CDKN3: variants seen among roughly 807,000 people sequenced by gnomAD.
CDKN3 encodes the protein cyclin-dependent kinase inhibitor 3.
In CDKN3, 19 loss-of-function variants were observed where a neutral mutation model predicts 36.1. The observed-to-expected ratio is 0.53, with a 90% CI of 0.37 to 0.77. CDKN3 has a LOEUF of 0.77. Among genes scored for constraint, CDKN3 ranks in the 30% least tolerant of loss-of-function variants. CDKN3 has a pLI of 0.00. For synonymous variants in CDKN3, 71 were observed against 85.3 expected (o/e 0.83, Z 0.92); for missense variants, 188 against 248.6 (o/e 0.76, Z 1.64).
chr14:54,413,643 C>T (rs1290054545), intron 5 of CDKN3: 3 of 1,535,258 alleles, frequency 2.0e-6, no homozygotes, highest in Non-Finnish European at 2.6e-6. Context: ...AGTTTATTTT[C>T]TATCCATTCT....
intron 3 of CDKN3, among the ~76,000 whole-genome samples, chr14:54,405,138 A>C (rs544817395): frequency 6.6e-6 from 1 of 152,206 alleles, no homozygotes; most frequent in South Asian, 2.1e-4. Context: ...GTTTCCATGT[A>C]GTTGTGCAGT....
intron 5 of CDKN3, chr14:54,413,698 C>A: frequency 6.5e-7 from 1 of 1,534,390 alleles, no homozygotes; most frequent in Non-Finnish European, 8.7e-7. Flanking sequence ...TAGAGCTTAT[C>A]CTTCAGCAAC....
intron 3 of CDKN3, among the ~76,000 whole-genome samples, chr14:54,405,674 T>C (rs1260499439): frequency 1.3e-5 from 2 of 152,232 alleles, no homozygotes; most frequent in Non-Finnish European, 2.9e-5. Flanking sequence ...TTGCTTTTTT[T>C]TGCATTCCAT....
At chr14:54,411,337 C>A in intron 4 of CDKN3, 147 bp from the exon 5 acceptor site, 1 of 620,384 alleles carries the variant, frequency 1.6e-6, no homozygotes, top group Non-Finnish European at 2.8e-6. Context: ...TTGATTCAGA[C>A]ATATCAATAG....
intron 1 of CDKN3, among the ~76,000 whole-genome samples, chr14:54,397,372 C>T (rs1428748453): frequency 6.6e-6 from 1 of 152,260 alleles, no homozygotes. Context: ...CAAAGAGGGC[C>T]GAGCCTCGTT....
chr14:54,399,745 T>C, intron 1 of CDKN3, 149 bp from the exon 2 acceptor site: 1 of 631,730 alleles, frequency 1.6e-6, no homozygotes, highest in Non-Finnish European at 2.9e-6. Context: ...CAGTCATTTA[T>C]TATTAATATT....
At chr14:54,398,079 G>A (rs1884013) in intron 1 of CDKN3, among the ~76,000 whole-genome samples, 1 of 152,038 alleles carries the variant, frequency 6.6e-6, no homozygotes, top group Non-Finnish European at 1.5e-5. Flanking sequence ...TGCAGTGAGC[G>A]GATATCACGC....
intron 1 of CDKN3, among the ~76,000 whole-genome samples, chr14:54,399,353 T>C (rs1886409424): frequency 1.3e-5 from 2 of 152,146 alleles, no homozygotes; most frequent in African/African-American, 2.4e-5. Flanking sequence ...TGTGAAGCCT[T>C]CTCCAGCTAC....
At chr14:54,399,311 C>G (rs751310408) in intron 1 of CDKN3, among the ~76,000 whole-genome samples, 29 of 152,148 alleles carry the variant, frequency 1.9e-4, no homozygotes, top group South Asian at 4.1e-4. Flanking sequence ...AAAACCTGCT[C>G]TTCCTTCAAA....
At chr14:54,404,447 CTTT>C (rs1194247599) in intron 3 of CDKN3, among the ~76,000 whole-genome samples, 2 of 151,610 alleles carry the variant, frequency 1.3e-5, no homozygotes, top group Non-Finnish European at 2.9e-5. Flanking sequence ...CTCTTTTCTT[CTTT>C]ATTAGTCTGG....
At position 54,407,323 on chromosome 14, in the gene CDKN3, C is replaced by G. The variant is rs1410133324; in HGVS notation, c.149-1422C>G. On this transcript the variant is annotated intron_variant, in intron 3 of 7. Coordinates refer to ENST00000335183, the MANE Select transcript of CDKN3 (RefSeq NM_005192.4). ...TCTCCCCGTTAGGAGGCGCGGGGTT[C>G]AGGGACCCACTTGAGGAGGCAGTCT... 2.0e-5 allele frequency among the ~76,000 whole-genome samples: 3 copies of G among 152,206 alleles called. No individual in the cohort carries two copies. The East Asian group carries it at 5.8e-4, about 29-fold the overall frequency.
chr14:54,408,382 G>T (rs2030235233), intron 3 of CDKN3, among the ~76,000 whole-genome samples: 1 of 152,200 alleles, frequency 6.6e-6, no homozygotes, highest in Non-Finnish European at 1.5e-5. Context: ...AAGCCCTCAT[G>T]GTGGACTATA....
chr14:54,398,987 CTTTTT>C (rs113342693), intron 1 of CDKN3, among the ~76,000 whole-genome samples: 11 of 109,272 alleles, frequency 1.0e-4, no homozygotes, highest in South Asian at 6.1e-4. Context: ...TTTCTTCTTC[CTTTTT>C]TTTTTTTTTT....
chr14:54,413,768 G>C (rs1412028270), intron 5 of CDKN3: 52 of 1,454,636 alleles, frequency 3.6e-5, no homozygotes, highest in Non-Finnish European at 4.1e-5. Flanking sequence ...CACTGGTTCT[G>C]CCTGGACATT....
Position 54,401,576 on chromosome 14 carries a change from C to T in CDKN3, c.145C>T (p.Pro49Ser). ...TCAGTTTCTCGGTTTATGTGCTCTT[C>T]CAGGTGGGTAACACAATAATGGGCT... is the stretch of plus-strand genomic sequence containing the variant. ...CSQFLGLCAL[P>S]GCKFKDVRRN... The change falls in exon 3 of 8, where the codon CCA becomes TCA. Residue 49 changes from proline to serine, a missense_variant. Physicochemically the swap from Pro to Ser is moderately conservative, Grantham distance 74 (BLOSUM62 -1). Coordinates refer to ENST00000335183, the MANE Select transcript of CDKN3 (RefSeq NM_005192.4). 1 of 1,602,954 alleles carries T rather than the reference C, an allele frequency of 6.2e-7. No homozygotes were observed. The highest frequency in any genetic ancestry group is 8.5e-7 in the Non-Finnish European group (1 of 1,172,094).
intron 2 of CDKN3, among the ~76,000 whole-genome samples, chr14:54,400,231 A>T (rs1407332175): frequency 8.3e-5 from 6 of 72,330 alleles, no homozygotes; most frequent in South Asian, 4.0e-4. Flanking sequence ...TGATTCATTT[A>T]CTCTTTATAA....
At position 54,418,163 on chromosome 14, in the gene CDKN3, G is replaced by A. The variant is rs943714384; in HGVS notation, c.552+212G>A. ...TCCAGGTAGTCTAAAAAAGCACACA[G>A]GATTTCAAACAAGATAATGAAAATT... On this transcript the variant is annotated intron_variant, in intron 7 of 7. Transcript: ENST00000335183. 4.3e-6 allele frequency: 3 copies of A among 704,788 alleles called. No homozygotes were observed. The African/African-American group carries it at 5.2e-5, about 12-fold the overall frequency. 43.7% of individuals were successfully genotyped at this position (704,788 alleles called of 1,614,324 possible). A position where few individuals can be genotyped will look rare whatever the true frequency, so the allele number is the denominator to read the frequency against.
chr14:54,411,323 C>T, intron 4 of CDKN3, 161 bp from the exon 5 acceptor site: 1 of 592,280 alleles, frequency 1.7e-6, no homozygotes, highest in Non-Finnish European at 3.0e-6. Context: ...ATTCTAGACC[C>T]CTTTTGATTC....
At chr14:54,400,274 C>A (rs2029896922) in intron 2 of CDKN3, among the ~76,000 whole-genome samples, 2 of 140,474 alleles carry the variant, frequency 1.4e-5, no homozygotes, top group East Asian at 2.2e-4. Flanking sequence ...CTTCTACTAA[C>A]TTAGTAGAAG....
Sources: gnomAD v4.1 joint callset for allele counts (sites outside exome capture counted in the v4.1 genomes callset) on GRCh38, gnomAD v4.1.1 for gene constraint, MANE v1.5 for transcripts, NCBI Gene and HGNC (gene_info 2026-07-23, HGNC 2026-07-21) for gene names.